SMC5: variants seen among roughly 807,000 people sequenced by gnomAD.
The protein encoded by SMC5 is structural maintenance of chromosomes 5.
Under a neutral mutation model 148.3 loss-of-function variants are expected in SMC5, and 88 were observed. The ratio of observed to expected loss-of-function variants is 0.59; its 90% CI spans 0.50 to 0.71. The LOEUF (loss-of-function observed/expected upper bound fraction) is 0.71. SMC5 is among the 30% of genes least tolerant of loss of function. The pLI is 0.00. For synonymous variants in SMC5, 421 were observed against 432.8 expected (o/e 0.97, Z 0.34); for missense variants, 1,142 against 1,298.9 (o/e 0.88, Z 1.86).
intron 17 of SMC5, among the ~76,000 whole-genome samples, chr9:70,325,806 G>A (rs1211534080): frequency 6.6e-6 from 1 of 152,094 alleles, no homozygotes; most frequent in Admixed American, 6.5e-5. Context: ...GATGTTTTGG[G>A]AGAGGAAAAT....
chr9:70,279,365 GAA>G (rs1380718720), intron 5 of SMC5, among the ~76,000 whole-genome samples: 2 of 151,862 alleles, frequency 1.3e-5, no homozygotes, highest in Non-Finnish European at 2.9e-5. Flanking sequence ...AAAGAAATGA[GAA>G]AAGTTAGCCA....
intron 8 of SMC5, among the ~76,000 whole-genome samples, chr9:70,288,570 C>T (rs1352237806): frequency 2.0e-5 from 3 of 151,716 alleles, no homozygotes; most frequent in Non-Finnish European, 4.4e-5. Context: ...TTTCATCTTT[C>T]CTAATTTTTA....
At chr9:70,274,047 A>G (rs1415102042) in intron 3 of SMC5, among the ~76,000 whole-genome samples, 1 of 152,094 alleles carries the variant, frequency 6.6e-6, no homozygotes, top group East Asian at 1.9e-4. Flanking sequence ...TGTCCTGTCA[A>G]TTTTCGCCTT....
At chr9:70,288,931 A>G (rs763116846) in intron 8 of SMC5, among the ~76,000 whole-genome samples, 2 of 152,230 alleles carry the variant, frequency 1.3e-5, no homozygotes, top group East Asian at 3.8e-4. Context: ...AGGTGTGGAC[A>G]TATGTATACA....
At position 70,301,489 on chromosome 9, in the gene SMC5, A is replaced by G. The variant is rs866053505; in HGVS notation, c.1464+1289A>G. On this transcript the variant is annotated intron_variant, in intron 10 of 24. Coordinates refer to ENST00000361138, the MANE Select transcript of SMC5 (RefSeq NM_015110.4). Reference sequence around the variant, plus strand: ...GCAGTTTACTCACCTTTCTAGGTCTAGTTGAAATGCCCCTACCATCATACA... The same window carrying G: ...GCAGTTTACTCACCTTTCTAGGTCTGGTTGAAATGCCCCTACCATCATACA... Among the ~76,000 whole-genome samples, 6 of 152,288 alleles carry G rather than the reference A, an allele frequency of 3.9e-5. No homozygotes were observed. In the Middle Eastern group the frequency reaches 0.014, roughly 345 times the overall value.
At chr9:70,343,071 C>CT (rs773689789) in intron 17 of SMC5, among the ~76,000 whole-genome samples, 1 of 151,796 alleles carries the variant, frequency 6.6e-6, no homozygotes, top group Admixed American at 6.6e-5. Flanking sequence ...GTCCTGTAAG[C>CT]AGACAGGGAT....
At chr9:70,296,684 T>G (rs557339941) in intron 8 of SMC5, among the ~76,000 whole-genome samples, 4 of 152,328 alleles carry the variant, frequency 2.6e-5, no homozygotes, top group African/African-American at 9.6e-5. Flanking sequence ...AAATCTGACT[T>G]GGAAATAAAG....
In SMC5 at chr9:70,258,999, C is replaced by T. The variant is rs1030514999; in HGVS notation, c.-80C>T. On this transcript the variant is annotated 5_prime_UTR_variant, in exon 1 of 25. Coordinates refer to ENST00000361138, the MANE Select transcript of SMC5 (RefSeq NM_015110.4). Reference sequence around the variant, plus strand: ...CGGCAGTTCGCGCGGGAGCGGGGCGCCTGGGTGGATGGGCGCTTGGGCGCC... The same window carrying T: ...CGGCAGTTCGCGCGGGAGCGGGGCGTCTGGGTGGATGGGCGCTTGGGCGCC... The T allele has an allele frequency of 1.2e-5, 18 of 1,451,868 alleles. No individual in the cohort carries two copies. The highest frequency in any genetic ancestry group is 1.6e-5 in the Non-Finnish European group (17 of 1,095,414). The allele number at this position is 1,451,868 out of a possible 1,614,324, so 89.9% of individuals were successfully genotyped here. A position where few individuals can be genotyped will look rare whatever the true frequency, so the allele number is the denominator to read the frequency against.
At chr9:70,308,590 CAAAAAAAAA>C (rs59441324) in intron 11 of SMC5, among the ~76,000 whole-genome samples, 7 of 72,238 alleles carry the variant, frequency 9.7e-5, no homozygotes, top group African/African-American at 2.1e-4. Context: ...GACTCTGTCT[CAAAAAAAAA>C]AAAAAAAAAA....
At chr9:70,260,605 A>G (rs138571354) in intron 1 of SMC5, among the ~76,000 whole-genome samples, 3 of 152,334 alleles carry the variant, frequency 2.0e-5, no homozygotes, top group African/African-American at 7.2e-5. Context: ...CGCAGCTGTT[A>G]CATAGTTGCA....
At position 70,353,519 on chromosome 9, in the gene SMC5, G is replaced by A. The variant is rs906480881; in HGVS notation, c.*1188G>A. The A allele has an allele frequency of 6.6e-6, 1 of 152,154 alleles. No individual in the cohort carries two copies. The allele number at this position is 152,154 out of a possible 1,614,324, so 9.4% of individuals were successfully genotyped here. A position where few individuals can be genotyped will look rare whatever the true frequency, so the allele number is the denominator to read the frequency against. ...TGAACAGTGGATTGGATCTGTGCCA[G>A]TAATGACAAAATTATTTTTTTGACT... On this transcript the variant is annotated 3_prime_UTR_variant, in exon 25 of 25. Transcript: ENST00000361138.
At chr9:70,299,185 T>C (rs1026973660) in intron 9 of SMC5, among the ~76,000 whole-genome samples, 1 of 151,992 alleles carries the variant, frequency 6.6e-6, no homozygotes, top group African/African-American at 2.4e-5. Context: ...CCGAAAACAT[T>C]TAGTGTTTTA....
At chr9:70,340,290 T>G (rs2036484144) in intron 17 of SMC5, among the ~76,000 whole-genome samples, 2 of 150,098 alleles carry the variant, frequency 1.3e-5, no homozygotes, top group South Asian at 4.2e-4. Context: ...AGAGGAGACT[T>G]TTTTTTTTAC....
At chr9:70,287,171 G>A (rs1564031952) in intron 8 of SMC5, among the ~76,000 whole-genome samples, 2 of 152,212 alleles carry the variant, frequency 1.3e-5, no homozygotes, top group Middle Eastern at 6.8e-3. Flanking sequence ...GTTTCAATTT[G>A]TAGTATCCTG....
intron 17 of SMC5, among the ~76,000 whole-genome samples, chr9:70,341,961 T>A (rs1402993069): frequency 6.7e-5 from 10 of 149,894 alleles, no homozygotes; most frequent in African/African-American, 2.5e-4. Flanking sequence ...GCGGCACTAT[T>A]CACAATAGCA....
chr9:70,342,320 C>T lies in SMC5; in HGVS notation c.2398-1824C>T, dbSNP rs191514671. On this transcript the variant is annotated intron_variant, in intron 17 of 24. Coordinates refer to ENST00000361138, the MANE Select transcript of SMC5 (RefSeq NM_015110.4). ...CGAGTTAATGGGTGCAGCACACCAG[C>T]ATGGCACATGTATACATATGTAACT... Among the ~76,000 whole-genome samples, 582 of 151,300 alleles carry T rather than the reference C, an allele frequency of 3.8e-3. 3 individuals are homozygous for T. Among genetic ancestry groups the T allele is most frequent in the African/African-American group, 0.013 (539 of 41,196 alleles).
At chr9:70,273,776 A>G (rs562437619) in intron 3 of SMC5, among the ~76,000 whole-genome samples, 2 of 152,312 alleles carry the variant, frequency 1.3e-5, no homozygotes, top group South Asian at 2.1e-4. Flanking sequence ...AGTTAAATAT[A>G]TAGAGATACT....
In SMC5 at chr9:70,261,432, A is replaced by G. The variant is rs773810973; in HGVS notation, c.185+2169A>G. ...AGAATAGTTGTGAGGCATGGGGGAA[A>G]GGGAGGAATGCAGCATTTTTCCCAA... On this transcript the variant is annotated intron_variant, in intron 1 of 24. Transcript: ENST00000361138. 5.3e-5 allele frequency among the ~76,000 whole-genome samples: 8 copies of G among 152,216 alleles called. 1 individual carries two copies. Among genetic ancestry groups the G allele is most frequent in the Non-Finnish European group, 8.8e-5 (6 of 68,040 alleles).
At chr9:70,351,792 T>C (rs1332241582) in intron 24 of SMC5, among the ~76,000 whole-genome samples, 1 of 152,140 alleles carries the variant, frequency 6.6e-6, no homozygotes, top group Admixed American at 6.6e-5. Context: ...AAGAGTCTTA[T>C]TGGCTGGGGA....
Sources: gnomAD v4.1 joint callset for allele counts (sites outside exome capture counted in the v4.1 genomes callset) on GRCh38, gnomAD v4.1.1 for gene constraint, MANE v1.5 for transcripts, NCBI Gene and HGNC (gene_info 2026-07-23, HGNC 2026-07-21) for gene names.